The following ARSB variants were observed in gnomAD, a reference collection of about 807,000 sequenced individuals.
ARSB encodes N-acetylgalactosamine-4-sulfatase.
A neutral mutation model predicts 50.9 loss-of-function variants in ARSB; 41 were observed. That is an observed-to-expected ratio of 0.81 (90% CI 0.63 to 1.04). The LOEUF (loss-of-function observed/expected upper bound fraction) is 1.04. Among genes scored for constraint, ARSB ranks in the 50% least tolerant of loss-of-function variants. The probability of loss-of-function intolerance (pLI) is 0.00; values close to 1 mark genes in which losing one functional copy is unlikely to be tolerated. For synonymous variants in ARSB, 269 were observed against 284.8 expected, an observed-to-expected ratio of 0.94 and a Z score of 0.56; for missense variants, 672 against 693.3, an observed-to-expected ratio of 0.97 and a Z score of 0.35.
intron 6 of ARSB, among the ~76,000 whole-genome samples, chr5:78,801,390 T>G (rs1309930124): frequency 2.0e-5 from 3 of 152,164 alleles, no homozygotes; most frequent in African/African-American, 7.2e-5. Context: ...CAAGTAAGTC[T>G]AGACGATGAA....
intron 1 of ARSB, among the ~76,000 whole-genome samples, chr5:78,970,520 T>C (rs1398159075): frequency 1.3e-5 from 2 of 152,178 alleles, no homozygotes; most frequent in Non-Finnish European, 2.9e-5. Context: ...TCAATAATTT[T>C]TAAGCAAGTG....
intron 4 of ARSB, among the ~76,000 whole-genome samples, chr5:78,936,744 C>T (rs1230596499): frequency 6.6e-6 from 1 of 152,164 alleles, no homozygotes; most frequent in Non-Finnish European, 1.5e-5. Flanking sequence ...ACAGGGCTCA[C>T]CTAGCTACTT....
chr5:78,983,579 A>G (rs1405681930), intron 1 of ARSB, among the ~76,000 whole-genome samples: 1 of 152,128 alleles, frequency 6.6e-6, no homozygotes, highest in Non-Finnish European at 1.5e-5. Flanking sequence ...GATTTACACA[A>G]TGTAGGGGAT....
At chr5:78,906,828 G>A (rs1284398825) in intron 4 of ARSB, among the ~76,000 whole-genome samples, 1 of 152,170 alleles carries the variant, frequency 6.6e-6, no homozygotes, top group Non-Finnish European at 1.5e-5. Flanking sequence ...ATTTTAATGA[G>A]AATGGGCTAA....
chr5:78,794,283 TC>T (rs1580974995), intron 6 of ARSB, among the ~76,000 whole-genome samples: 1 of 152,124 alleles, frequency 6.6e-6, no homozygotes, highest in Non-Finnish European at 1.5e-5. Flanking sequence ...CCACCAGGGT[TC>T]TTGGCTCAAA....
At chr5:78,887,507 C>G (rs1359568934) in intron 4 of ARSB, among the ~76,000 whole-genome samples, 2 of 152,172 alleles carry the variant, frequency 1.3e-5, no homozygotes, top group African/African-American at 4.8e-5. Context: ...AAACCACATC[C>G]AAACCATAGC....
intron 4 of ARSB, among the ~76,000 whole-genome samples, chr5:78,903,730 T>G (rs1748904615): frequency 1.3e-5 from 2 of 152,228 alleles, no homozygotes; most frequent in Admixed American, 6.5e-5. Flanking sequence ...CCTGAAAGTT[T>G]ATGGAATCAA....
chr5:78,854,513 T>C (rs1746041009), intron 5 of ARSB, among the ~76,000 whole-genome samples: 1 of 152,248 alleles, frequency 6.6e-6, no homozygotes, highest in Admixed American at 6.5e-5. Context: ...GTGTTTAACT[T>C]CCATTTCCAT....
At chr5:78,806,031 C>T (rs531771146) in intron 6 of ARSB, among the ~76,000 whole-genome samples, 1 of 152,350 alleles carries the variant, frequency 6.6e-6, no homozygotes, top group South Asian at 2.1e-4. Context: ...ATACTACCAC[C>T]TACCTTCATT....
chr5:78,830,013 C>T (rs532561594), intron 6 of ARSB, among the ~76,000 whole-genome samples: 169 of 152,226 alleles, frequency 1.1e-3, no homozygotes, highest in Non-Finnish European at 1.8e-3. Flanking sequence ...GGGTGGAAGA[C>T]GGAAGGGGCG....
At chr5:78,860,504 AG>A (rs1005295992) in intron 5 of ARSB, among the ~76,000 whole-genome samples, 24 of 148,548 alleles carry the variant, frequency 1.6e-4, no homozygotes, top group African/African-American at 5.4e-4. Flanking sequence ...CTAATCCTGA[AG>A]GACTACTGCA....
At chr5:78,876,368 C>G (rs889969802) in intron 5 of ARSB, among the ~76,000 whole-genome samples, 1 of 152,194 alleles carries the variant, frequency 6.6e-6, no homozygotes, top group Non-Finnish European at 1.5e-5. Context: ...TCTTTGGATA[C>G]TTCTGCTTCC....
intron 4 of ARSB, among the ~76,000 whole-genome samples, chr5:78,910,391 T>C (rs1580048183): frequency 6.6e-6 from 1 of 152,322 alleles, no homozygotes; most frequent in Non-Finnish European, 1.5e-5. Flanking sequence ...CATCTGAAGG[T>C]CCAATAAAAA....
intron 4 of ARSB, among the ~76,000 whole-genome samples, chr5:78,914,387 A>G (rs571267298): frequency 7.2e-5 from 11 of 152,364 alleles, no homozygotes; most frequent in African/African-American, 2.6e-4. Flanking sequence ...TTATTATACA[A>G]TAAAGTCTAA....
At chr5:78,970,941 G>A (rs1044588513) in intron 1 of ARSB, among the ~76,000 whole-genome samples, 4 of 152,184 alleles carry the variant, frequency 2.6e-5, no homozygotes, top group African/African-American at 4.8e-5. Context: ...ACTCCAGCCT[G>A]GGCAACAGAG....
At chr5:78,898,828 T>C (rs1476385614) in intron 4 of ARSB, among the ~76,000 whole-genome samples, 1 of 152,238 alleles carries the variant, frequency 6.6e-6, no homozygotes, top group Non-Finnish European at 1.5e-5. Flanking sequence ...AGTAGAGTTA[T>C]GAGTGGATTG....
intron 5 of ARSB, among the ~76,000 whole-genome samples, chr5:78,855,397 T>C (rs1300638043): frequency 6.6e-6 from 1 of 152,178 alleles, no homozygotes; most frequent in Non-Finnish European, 1.5e-5. Flanking sequence ...AGCTCTGGCC[T>C]GAGGAGGAAA....
rs1361695118 is a variant in ARSB, at chr5:78,972,543, A to ACACACACACACACACC, written c.313-3352_313-3351insGGTGTGTGTGTGTGTG. Among the ~76,000 whole-genome samples, 606 of 150,388 alleles carry ACACACACACACACACC rather than the reference A, an allele frequency of 4.0e-3. 6 individuals are homozygous for ACACACACACACACACC. The highest frequency in any genetic ancestry group is 0.014 in the African/African-American group (562 of 40,794). ...CACACACACACACACACACACACAC[A>ACACACACACACACACC]CCCCAAATCAAAGTATTCTTTCCAT... On this transcript the variant is annotated intron_variant, in intron 1 of 7. Coordinates refer to ENST00000264914, the MANE Select transcript of ARSB (RefSeq NM_000046.5).
chr5:78,954,357 G>C (rs1170080035), intron 4 of ARSB, among the ~76,000 whole-genome samples: 1 of 152,166 alleles, frequency 6.6e-6, no homozygotes, highest in Non-Finnish European at 1.5e-5. Flanking sequence ...TCTCTAATGA[G>C]AGGGGGAAGT....
Sources: gnomAD v4.1 joint callset for allele counts (sites outside exome capture counted in the v4.1 genomes callset) on GRCh38, gnomAD v4.1.1 for gene constraint, MANE v1.5 for transcripts, NCBI Gene and HGNC (gene_info 2026-07-23, HGNC 2026-07-21) for gene names.